The following MCPH1 variants were observed in gnomAD, a reference collection of about 807,000 sequenced individuals.
MCPH1 encodes the protein microcephalin.
MCPH1 carries 104 observed loss-of-function variants against 84.5 expected under a neutral mutation model. The ratio of observed to expected loss-of-function variants is 1.23; its 90% CI spans 1.05 to 1.45. The LOEUF (loss-of-function observed/expected upper bound fraction) is 1.45. Among genes scored for constraint, MCPH1 ranks in the 40% most tolerant of loss-of-function variants. MCPH1 has a pLI of 0.00. For missense variants in MCPH1, 1,498 were observed against 1,005.7 expected, an observed-to-expected ratio of 1.49 and a Z score of -6.62; for synonymous variants, 514 against 366.8, an observed-to-expected ratio of 1.40 and a Z score of -4.58.
At chr8:6,639,347 T>C (rs1173224617) in intron 13 of MCPH1, among the ~76,000 whole-genome samples, 1 of 152,230 alleles carries the variant, frequency 6.6e-6, no homozygotes, top group Non-Finnish European at 1.5e-5. Flanking sequence ...TAGATTTCTT[T>C]TAAAAACATA....
chr8:6,629,568 G>A (rs573239900), intron 13 of MCPH1, among the ~76,000 whole-genome samples: 2 of 152,304 alleles, frequency 1.3e-5, no homozygotes, highest in East Asian at 3.9e-4. Flanking sequence ...TCTGCAACCC[G>A]AGCAGTCTCC....
chr8:6,445,008 T>G lies in MCPH1; in HGVS notation c.1286T>G (p.Leu429Arg). 6.2e-7 allele frequency: 1 copy of G among 1,614,208 alleles called. No homozygotes were observed. The highest frequency in any genetic ancestry group is 2.2e-5 in the East Asian group (1 of 44,888). Residue 429 changes from leucine to arginine, a missense_variant, in exon 8 of 14, where the codon CTT becomes CGT. Physicochemically the swap from Leu to Arg is moderately radical, Grantham distance 102. Coordinates refer to ENST00000344683, the MANE Select transcript of MCPH1 (RefSeq NM_024596.5). Reference sequence around the variant, plus strand: ...CTTAAGGAAAGGTATTCAGAGAATCTTCCTCCTGAATCTCAGCTGCCATCA... The same window carrying G: ...CTTAAGGAAAGGTATTCAGAGAATCGTCCTCCTGAATCTCAGCTGCCATCA... Reference protein sequence around the residue: ...DNLKERYSENLPPESQLPSSP... With the variant: ...DNLKERYSENRPPESQLPSSP...
intron 12 of MCPH1, chr8:6,507,854 A>T (rs1384131685): frequency 6.6e-6 from 1 of 152,074 alleles, no homozygotes; most frequent in African/African-American, 2.4e-5. Flanking sequence ...AAGTGCTGGC[A>T]TTACAGGCGT....
chr8:6,587,191 A>C (rs1235551208), intron 12 of MCPH1, among the ~76,000 whole-genome samples: 1 of 152,188 alleles, frequency 6.6e-6, no homozygotes, highest in Non-Finnish European at 1.5e-5. Context: ...TTTATAAAAA[A>C]TAATAATAAT....
At chr8:6,529,496 G>A (rs1416676036) in intron 12 of MCPH1, among the ~76,000 whole-genome samples, 2 of 149,676 alleles carry the variant, frequency 1.3e-5, no homozygotes, top group African/African-American at 4.9e-5. Context: ...CTGTTGCCCA[G>A]GCTGCAGTGC....
At chr8:6,621,074 T>C in intron 12 of MCPH1, 1 of 327,140 alleles carries the variant, frequency 3.1e-6, no homozygotes. Context: ...GCATTTGCAG[T>C]GCATTAGAAT....
At chr8:6,497,371 T>C (rs2129561912) in intron 11 of MCPH1, among the ~76,000 whole-genome samples, 1 of 152,068 alleles carries the variant, frequency 6.6e-6, no homozygotes, top group South Asian at 2.1e-4. Flanking sequence ...GGCATTGTGA[T>C]GTGCGCCTGT....
rs556632758 is a variant in MCPH1 at position 6,444,697 on chromosome 8, G to T, written c.975G>T (p.Thr325=). The stretch of plus-strand genomic sequence containing the variant: ...AGGCTGCAGGTATGTCTCAGGAGAC[G>T]TTTGAAGAGAAGTATCGTTTGTCTC... ...QKQAAGMSQE[T]FEEKYRLSPT... Residue 325 remains threonine (T), a synonymous_variant, in exon 8 of 14, where the codon ACG becomes ACT. Coordinates refer to ENST00000344683, the MANE Select transcript of MCPH1 (RefSeq NM_024596.5). 1 of 1,614,062 alleles carries T rather than the reference G, an allele frequency of 6.2e-7. No individual in the cohort carries two copies. The highest frequency in any genetic ancestry group is 8.5e-7 in the Non-Finnish European group (1 of 1,180,012).
intron 3 of MCPH1, among the ~76,000 whole-genome samples, chr8:6,417,315 G>C (rs1318797985): frequency 6.6e-6 from 1 of 152,156 alleles, no homozygotes; most frequent in South Asian, 2.1e-4. Flanking sequence ...GGGCCATATG[G>C]TCTCTGCTCA....
chr8:6,443,285 G>A (rs1803782038), intron 7 of MCPH1, among the ~76,000 whole-genome samples: 1 of 152,096 alleles, frequency 6.6e-6, no homozygotes, highest in African/African-American at 2.4e-5. Context: ...ATTGCTTATC[G>A]GGTTTTTGAA....
intron 12 of MCPH1, among the ~76,000 whole-genome samples, chr8:6,558,793 C>A (rs1477990313): frequency 6.6e-6 from 1 of 152,040 alleles, no homozygotes; most frequent in East Asian, 1.9e-4. Flanking sequence ...ACAAAGACTA[C>A]TTGACCATAG....
Position 6,606,659 on chromosome 8 carries a change from G to C in MCPH1, c.2215-14795G>C, listed in dbSNP as rs575992652. On this transcript the variant is annotated intron_variant, in intron 12 of 13. Transcript: ENST00000344683. ...GTATGTGAGAAGGTGTATGTGAGAA[G>C]GTGTGGCATCCACAACAAAACTAAT... is the stretch of plus-strand genomic sequence containing the variant. Among the ~76,000 whole-genome samples the C allele has an allele frequency of 2.6e-5, 4 of 152,338 alleles. 1 individual carries two copies. Among genetic ancestry groups the C allele is most frequent in the Admixed American group, 2.0e-4 (3 of 15,310 alleles).
At chr8:6,621,910 T>C (rs954609050) in intron 13 of MCPH1, among the ~76,000 whole-genome samples, 1 of 152,196 alleles carries the variant, frequency 6.6e-6, no homozygotes, top group African/African-American at 2.4e-5. Flanking sequence ...ATGGGAACTC[T>C]AACTGGACTT....
chr8:6,624,745 G>GGAAGGTTTAT, intron 13 of MCPH1: 1 of 897,514 alleles, frequency 1.1e-6, no homozygotes, highest in Non-Finnish European at 1.3e-6. Flanking sequence ...TACAAATAAA[G>GGAAGGTTTAT]GAAGGTTTAT....
intron 12 of MCPH1, among the ~76,000 whole-genome samples, chr8:6,614,346 C>G (rs1418357950): frequency 1.3e-5 from 2 of 152,190 alleles, no homozygotes; most frequent in African/African-American, 2.4e-5. Flanking sequence ...AGGGGCCTGC[C>G]TCCTTTATAG....
At chr8:6,518,413 C>T (rs920125470) in intron 12 of MCPH1, among the ~76,000 whole-genome samples, 3 of 152,272 alleles carry the variant, frequency 2.0e-5, no homozygotes, top group East Asian at 1.9e-4. Flanking sequence ...TCCCTTCCTT[C>T]CCTGTTGTAT....
chr8:6,566,293 G>C (rs1826144250), intron 12 of MCPH1, among the ~76,000 whole-genome samples: 3 of 152,252 alleles, frequency 2.0e-5, no homozygotes, highest in Non-Finnish European at 1.5e-5. Flanking sequence ...TGTGGGGGTA[G>C]GAGGTGCTGG....
intron 4 of MCPH1, among the ~76,000 whole-genome samples, chr8:6,435,594 A>G (rs1335104250): frequency 2.0e-5 from 3 of 152,124 alleles, no homozygotes; most frequent in Admixed American, 6.6e-5. Context: ...TCCTTGGTCT[A>G]AGTGCTTAGG....
intron 13 of MCPH1, among the ~76,000 whole-genome samples, chr8:6,636,863 A>G (rs900650279): frequency 1.3e-5 from 2 of 152,190 alleles, no homozygotes; most frequent in African/African-American, 4.8e-5. Flanking sequence ...GATAAGGGAA[A>G]CACCACCTGT....
Sources: gnomAD v4.1 joint callset for allele counts (sites outside exome capture counted in the v4.1 genomes callset) on GRCh38, gnomAD v4.1.1 for gene constraint, MANE v1.5 for transcripts, NCBI Gene and HGNC (gene_info 2026-07-23, HGNC 2026-07-21) for gene names.